GNL3L: variants seen among roughly 807,000 people sequenced by gnomAD.
GNL3L encodes the protein G protein nucleolar 3 like.
In GNL3L, 4 loss-of-function variants were observed where a neutral mutation model predicts 42.9. That is an observed-to-expected ratio of 0.09 (90% CI 0.05 to 0.21). The LOEUF (loss-of-function observed/expected upper bound fraction) is 0.21, where lower values mean the gene tolerates loss of function less well. GNL3L is among the 10% of genes least tolerant of loss of function. The probability of loss-of-function intolerance (pLI) is 1.00; values close to 1 mark genes in which losing one functional copy is unlikely to be tolerated. For missense variants in GNL3L, 412 were observed against 481.7 expected (o/e 0.86, Z 1.36); for synonymous variants, 159 against 176.3 (o/e 0.90, Z 0.78).
the GNL3L span, among the ~76,000 whole-genome samples, chrX:54,638,027 C>T: frequency 5.4e-5 from 6 of 111,805 alleles, no homozygotes; most frequent in Non-Finnish European, 1.1e-4. Flanking sequence ...TTAAAAAGTT[C>T]GTTCCTTTAA....
intron 16 of GNL3L, among the ~76,000 whole-genome samples, chrX:54,594,322 C>T (rs2147522652): frequency 9.0e-6 from 1 of 111,076 alleles, no homozygotes; most frequent in South Asian, 3.8e-4. Context: ...TTGTTATATC[C>T]TCTTGCTGAA....
chrX:54,576,752 C>T (rs1448084634), intron 16 of GNL3L, among the ~76,000 whole-genome samples: 2 of 111,500 alleles, frequency 1.8e-5, no homozygotes, highest in East Asian at 5.6e-4. Context: ...AGGTGTGAGC[C>T]ACTGTGCTCG....
intron 14 of GNL3L, among the ~76,000 whole-genome samples, chrX:54,557,159 G>T (rs1461743001): frequency 9.2e-6 from 1 of 108,587 alleles, no homozygotes; most frequent in Non-Finnish European, 1.9e-5. Context: ...TCCATCCTGG[G>T]CAACAGAGCG....
intron 16 of GNL3L, among the ~76,000 whole-genome samples, chrX:54,580,969 C>T (rs1202293864): frequency 2.7e-5 from 3 of 109,186 alleles, no homozygotes; most frequent in Non-Finnish European, 3.8e-5. Flanking sequence ...TTAGTAGAGA[C>T]GGGGTTTCCC....
intron 16 of GNL3L, among the ~76,000 whole-genome samples, chrX:54,604,368 G>A (rs1422521137): frequency 2.7e-5 from 3 of 111,833 alleles, no homozygotes; most frequent in African/African-American, 9.7e-5. Context: ...TAATAAACCA[G>A]AGGAAGAGCA....
At chrX:54,607,052 CT>C (rs1208605385) in intron 16 of GNL3L, among the ~76,000 whole-genome samples, 11 of 55,385 alleles carry the variant, frequency 2.0e-4, no homozygotes, top group South Asian at 1.7e-3. Context: ...TTCTTTCTTT[CT>C]TTCTTTCTTT....
At chrX:54,547,824 C>T (rs139550672) in intron 8 of GNL3L, among the ~76,000 whole-genome samples, 368 of 111,959 alleles carry the variant, frequency 3.3e-3, no homozygotes, top group African/African-American at 0.011. Context: ...GGCTGTGGGC[C>T]AGGCTCCCTC....
At chrX:54,630,333 G>A in the GNL3L span, among the ~76,000 whole-genome samples, 1 of 108,719 alleles carries the variant, frequency 9.2e-6, no homozygotes. Flanking sequence ...AGTTCCTTGA[G>A]GTGTGACCTT....
the GNL3L span, among the ~76,000 whole-genome samples, chrX:54,632,021 A>G: frequency 8.9e-6 from 1 of 112,076 alleles, no homozygotes; most frequent in East Asian, 2.8e-4. Context: ...GCTTTCCTTC[A>G]TTTATGAAGC....
rs1188073916 is a variant in GNL3L at position 54,561,689 on chromosome X, C to G, written c.*1087C>G. On this transcript the variant is annotated 3_prime_UTR_variant, in exon 16 of 16. Coordinates refer to ENST00000360845, the MANE Select transcript of GNL3L (RefSeq NM_001184819.2). ...TGTGTGACCATGTCTCCTATTGCAC[C>G]AGCATTTGAATTCCATGGCTCAAGA... 8.9e-6 allele frequency among the ~76,000 whole-genome samples: 1 copy of G among 111,941 alleles called. No individual in the cohort carries two copies. Among genetic ancestry groups the G allele is most frequent in the Non-Finnish European group, 1.9e-5 (1 of 53,143 alleles).
At chrX:54,548,096 TC>T in intron 8 of GNL3L, 132 bp from the exon 9 acceptor site, 1 of 485,825 alleles carries the variant, frequency 2.1e-6, no homozygotes, top group South Asian at 3.1e-5. Context: ...GTGTTCAAGA[TC>T]TGTGTGAGAA....
At chrX:54,619,911 A>C (rs751487310) in intron 16 of GNL3L, among the ~76,000 whole-genome samples, 21 of 111,726 alleles carry the variant, frequency 1.9e-4, no homozygotes, top group Non-Finnish European at 3.6e-4. Flanking sequence ...AGAAACATTA[A>C]GGCCCCAGGT....
At chrX:54,637,176 A>G in the GNL3L span, among the ~76,000 whole-genome samples, 3 of 111,404 alleles carry the variant, frequency 2.7e-5, no homozygotes, top group Non-Finnish European at 3.8e-5. Context: ...GGAGCTGCCT[A>G]CTTCACCATT....
intron 6 of GNL3L, 27 bp downstream of exon 6, chrX:54,543,065 T>C: frequency 4.6e-6 from 5 of 1,094,514 alleles, no homozygotes; most frequent in Non-Finnish European, 6.3e-6. Flanking sequence ...CTTCAGGCTT[T>C]TGCGGGAGGG....
At chrX:54,595,101 C>T (rs1925917149) in intron 16 of GNL3L, among the ~76,000 whole-genome samples, 2 of 112,037 alleles carry the variant, frequency 1.8e-5, no homozygotes, top group Non-Finnish European at 3.8e-5. Context: ...TGTGTACTTA[C>T]TATTAGCAGT....
At chrX:54,624,522 C>G (rs1926330684), downstream of GNL3L, among the ~76,000 whole-genome samples, 1 of 104,469 alleles carries the variant, frequency 9.6e-6, no homozygotes, top group African/African-American at 3.5e-5. Context: ...ACTGCAACCT[C>G]CGTCTCCCGG....
Position 54,536,030 on chromosome X carries a change from C to A in GNL3L, c.20-3010C>A, listed in dbSNP as rs368833933. Among the ~76,000 whole-genome samples, 9 of 110,385 alleles carry A rather than the reference C, an allele frequency of 8.2e-5. No individual in the cohort carries two copies. In the East Asian group the frequency reaches 2.6e-3, roughly 32 times the overall value. On this transcript the variant is annotated intron_variant, in intron 2 of 15. Coordinates refer to ENST00000360845, the MANE Select transcript of GNL3L (RefSeq NM_001184819.2). ...GCAACCTCCACCTCCTGGGTTCAAG[C>A]AATTTTCCTGCCTCAGCCTCTCGAG... is the stretch of plus-strand genomic sequence containing the variant.
At chrX:54,600,206 CTTTT>C (rs1172527598) in intron 16 of GNL3L, among the ~76,000 whole-genome samples, 69 of 13,288 alleles carry the variant, frequency 5.2e-3, no homozygotes, top group Non-Finnish European at 7.4e-3. Context: ...CAATCTGCTG[CTTTT>C]TTTTTTTTTT....
At chrX:54,631,254 G>T in the GNL3L span, among the ~76,000 whole-genome samples, 2 of 111,441 alleles carry the variant, frequency 1.8e-5, no homozygotes, top group Non-Finnish European at 3.8e-5. Context: ...AAATCCATTT[G>T]TTCAAGGGTA....
Sources: gnomAD v4.1 joint callset for allele counts (sites outside exome capture counted in the v4.1 genomes callset) on GRCh38, gnomAD v4.1.1 for gene constraint, MANE v1.5 for transcripts, NCBI Gene and HGNC (gene_info 2026-07-23, HGNC 2026-07-21) for gene names.